The following GAREM2 variants were observed in gnomAD, a reference collection of about 807,000 sequenced individuals.
The protein encoded by GAREM2 is GRB2 associated regulator of MAPK1 subtype 2.
GAREM2 carries 30 observed loss-of-function variants against 55.6 expected under a neutral mutation model. That is an observed-to-expected ratio of 0.54 (90% CI 0.40 to 0.73). The LOEUF (loss-of-function observed/expected upper bound fraction) is 0.73, where lower values mean the gene tolerates loss of function less well. Among genes scored for constraint, GAREM2 ranks in the 30% least tolerant of loss-of-function variants. The pLI is 0.00. For synonymous variants in GAREM2, 550 were observed against 569.1 expected (o/e 0.97, Z 0.48); for missense variants, 1,075 against 1,257.7 (o/e 0.85, Z 2.20).
downstream of GAREM2, chr2:26,191,275 C>CTGTT (rs1669489210): frequency 1.2e-6 from 2 of 1,612,772 alleles, no homozygotes; most frequent in South Asian, 2.2e-5. Flanking sequence ...CTTGTTAGGG[C>CTGTT]TGTTAGCATG....
At chr2:26,199,755 G>A in the GAREM2 span, among the ~76,000 whole-genome samples, 13 of 151,990 alleles carry the variant, frequency 8.6e-5, no homozygotes, top group East Asian at 2.3e-3. Context: ...AATAAACTTA[G>A]GAAGCTCAGT....
Position 26,187,430 on chromosome 2 carries a change from G to C in GAREM2, c.1798G>C (p.Gly600Arg). ...GAGCGGTCGAGCCGCCTCCCTTCTGGGGGCTGACACCCCTGTTAAGACCTA... is the reference window on the plus strand; with the variant it reads ...GAGCGGTCGAGCCGCCTCCCTTCTGCGGGCTGACACCCCTGTTAAGACCTA... ...PLSGRAASLLGADTPVKTYHS... is the reference protein window; with the variant it reads ...PLSGRAASLLRADTPVKTYHS... The change falls in exon 6 of 6, where the codon GGG (glycine) becomes CGG (arginine). Residue 600 changes from glycine to arginine, a missense_variant. Gly to Arg is a moderately radical substitution (Grantham distance 125, BLOSUM62 -2). Coordinates refer to ENST00000401533, the MANE Select transcript of GAREM2 (RefSeq NM_001168241.2). The C allele has an allele frequency of 1.3e-6, 2 of 1,547,818 alleles. No homozygotes were observed. The highest frequency in any genetic ancestry group is 2.4e-5 in the South Asian group (2 of 83,338).
At chr2:26,175,922 C>T (rs1668850573) in intron 1 of GAREM2, among the ~76,000 whole-genome samples, 1 of 152,216 alleles carries the variant, frequency 6.6e-6, no homozygotes, top group Non-Finnish European at 1.5e-5. Flanking sequence ...GAGCCTACTG[C>T]TGCCCTCCGG....
chr2:26,200,878 G>A, the GAREM2 span, among the ~76,000 whole-genome samples: 1 of 152,066 alleles, frequency 6.6e-6, no homozygotes, highest in Non-Finnish European at 1.5e-5. Context: ...GACTACAGGT[G>A]TGTGCCACCA....
rs935543557 is a variant in GAREM2 at position 26,186,287 on chromosome 2, C to T, written c.1527C>T (p.Arg509=). 11 of 1,551,268 alleles carry T rather than the reference C, an allele frequency of 7.1e-6. No individual in the cohort carries two copies. Among genetic ancestry groups the T allele is most frequent in the East Asian group, 2.4e-5 (1 of 40,882 alleles). ...RLSSSPPVPP[R]FPKLQPVHSP... ...CCAGCAGCCCCCCGGTTCCCCCTCG[C>T]TTCCCCAAGCTGCAGCCGGTACATT... The change falls in exon 5 of 6, where the codon CGC becomes CGT. Residue 509 remains arginine (R), a synonymous_variant. Coordinates refer to ENST00000401533, the MANE Select transcript of GAREM2 (RefSeq NM_001168241.2).
chr2:26,175,092 C>T (rs1190812972), intron 1 of GAREM2, among the ~76,000 whole-genome samples: 2 of 152,104 alleles, frequency 1.3e-5, no homozygotes, highest in African/African-American at 2.4e-5. Context: ...CACACACACA[C>T]ATACACACAC....
At chr2:26,203,572 A>T in the GAREM2 span, among the ~76,000 whole-genome samples, 1 of 152,178 alleles carries the variant, frequency 6.6e-6, no homozygotes, top group Admixed American at 6.5e-5. Flanking sequence ...CCAGTCAGGA[A>T]ATAAAAGTCT....
chr2:26,186,940 A>AC (rs1669279371), intron 5 of GAREM2, among the ~76,000 whole-genome samples: 3 of 152,322 alleles, frequency 2.0e-5, no homozygotes, highest in African/African-American at 7.2e-5. Flanking sequence ...GCACCACTGC[A>AC]CTCCAGCCTG....
chr2:26,174,609 A>G (rs1339256900), intron 1 of GAREM2, among the ~76,000 whole-genome samples: 1 of 152,168 alleles, frequency 6.6e-6, no homozygotes, highest in Non-Finnish European at 1.5e-5. Flanking sequence ...TGCCCAATAA[A>G]GATTATGGAT....
At chr2:26,174,145 T>C (rs1168464512) in intron 1 of GAREM2, among the ~76,000 whole-genome samples, 1 of 152,170 alleles carries the variant, frequency 6.6e-6, no homozygotes, top group Non-Finnish European at 1.5e-5. Flanking sequence ...GTTGGCACAC[T>C]CGCTTCCATG....
intron 2 of GAREM2, among the ~76,000 whole-genome samples, chr2:26,177,811 G>A (rs573268391): frequency 1.3e-5 from 2 of 152,132 alleles, no homozygotes; most frequent in East Asian, 1.9e-4. Flanking sequence ...ATTTTTAGTA[G>A]AGACAGGGTT....
In GAREM2 at chr2:26,184,930, T is replaced by A. The variant is rs1669184002; in HGVS notation, c.1082T>A (p.Val361Glu). 7.5e-7 allele frequency: 1 copy of A among 1,324,948 alleles called. No homozygotes were observed. The allele number at this position is 1,324,948 out of a possible 1,614,324, so 82.1% of individuals were successfully genotyped here. Residue 361 changes from valine (V) to glutamate (E), a missense_variant, in exon 4 of 6, where the codon GTG becomes GAG. This residue lies in a region of GAREM2 where 170 missense variants were observed against 220.7 expected (regional missense o/e 0.77). Transcript: ENST00000401533. ...RFDPDEYSTA[V>E]REAPAELAED... ...GACCCCGACGAGTACTCCACGGCCG[T>A]GCGCGAGGCGCCAGCGGAGCTCGCC...
downstream of GAREM2, chr2:26,189,784 C>A: frequency 6.6e-6 from 1 of 152,354 alleles, no homozygotes. Flanking sequence ...GTGGCCATTC[C>A]CATGTCTGTG....
chr2:26,182,364 G>C (rs1669078001), intron 2 of GAREM2: 3 of 1,532,550 alleles, frequency 2.0e-6, no homozygotes, highest in Non-Finnish European at 2.6e-6. Flanking sequence ...CCAGGGCAGG[G>C]TGTGGGAACA....
downstream of GAREM2, chr2:26,189,683 T>G (rs1669429124): frequency 1.8e-5 from 1 of 54,416 alleles, no homozygotes; most frequent in African/African-American, 1.0e-4. Flanking sequence ...CCAGCTGCTT[T>G]CTTCTTTTGA....
rs980697834 is a variant in GAREM2, at chr2:26,188,926, T to C, written c.*669T>C. The C allele has an allele frequency of 6.6e-6, 1 of 152,262 alleles. No individual in the cohort carries two copies. The highest frequency in any genetic ancestry group is 6.5e-5 in the Admixed American group (1 of 15,278). 9.4% of individuals were successfully genotyped at this position (152,262 alleles called of 1,614,324 possible). A position where few individuals can be genotyped will look rare whatever the true frequency, so the allele number is the denominator to read the frequency against. Reference sequence around the variant, plus strand: ...ACTTTGGAAGAGCACAGCTCTGCAATTGACCCGACCCACTTATCTAGTTAG... The same window carrying C: ...ACTTTGGAAGAGCACAGCTCTGCAACTGACCCGACCCACTTATCTAGTTAG... On this transcript the variant is annotated 3_prime_UTR_variant, in exon 6 of 6. Coordinates refer to ENST00000401533, the MANE Select transcript of GAREM2 (RefSeq NM_001168241.2).
At chr2:26,191,204 C>A (rs367911534), downstream of GAREM2, 1 of 1,594,520 alleles carries the variant, frequency 6.3e-7, no homozygotes, top group Non-Finnish European at 8.6e-7. Flanking sequence ...CCAGCACTGC[C>A]GGCAGCTGGG....
chr2:26,176,468 C>A lies in GAREM2; in HGVS notation c.237C>A (p.Ile79=), dbSNP rs1668869359. ...ATGTCATCGGGCCCAAGATCGACAT[C>A]CCCCTGCAGTACCCAGGTGTGTCCA... ...GHYVIGPKID[I]PLQYPGKFKL... The change falls in exon 2 of 6, where the codon ATC becomes ATA. Residue 79 remains isoleucine (I), a synonymous_variant. Transcript: ENST00000401533. 1 of 1,548,134 alleles carries A rather than the reference C, an allele frequency of 6.5e-7. No individual in the cohort carries two copies.
chr2:26,175,942 C>T (rs957831221), intron 1 of GAREM2, among the ~76,000 whole-genome samples: 2 of 152,230 alleles, frequency 1.3e-5, no homozygotes, highest in African/African-American at 4.8e-5. Flanking sequence ...GGTCCCCAGA[C>T]ATACTCCAGT....
Sources: gnomAD v4.1 joint callset for allele counts (sites outside exome capture counted in the v4.1 genomes callset) on GRCh38, gnomAD v4.1.1 for gene constraint, gnomAD v4.1.1 regional missense constraint, MANE v1.5 for transcripts, NCBI Gene and HGNC (gene_info 2026-07-23, HGNC 2026-07-21) for gene names.